The following GPRIN2 variants were observed in gnomAD, a reference collection of about 807,000 sequenced individuals.
The protein encoded by GPRIN2 is G protein-regulated inducer of neurite outgrowth 2.
GPRIN2 carries 1 observed loss-of-function variant against 0.3 expected under a neutral mutation model. The observed-to-expected ratio is 3.90, with a 90% CI of 1.39 to 18.51. The LOEUF (loss-of-function observed/expected upper bound fraction) is 18.51. GPRIN2 is among the 30% of genes most tolerant of loss of function. The pLI, the probability that GPRIN2 is intolerant of heterozygous loss-of-function variation, is 0.11. For synonymous variants in GPRIN2, 361 were observed against 258.6 expected (o/e 1.40, Z -3.80); for missense variants, 880 against 604.2 (o/e 1.46, Z -4.79).
At chr10:46,556,109 T>G (rs1831857267) in intron 1 of GPRIN2, among the ~76,000 whole-genome samples, 128,243 of 152,374 alleles carry the variant, frequency 0.84, 52,058 homozygotes, top group East Asian at 0.95. Flanking sequence ...GCCGGGGTAA[T>G]GATGCGGGAC....
In GPRIN2 at chr10:46,541,866, G is replaced by A. The variant is rs28525321; in HGVS notation, c.*7494C>T. Among the ~76,000 whole-genome samples the A allele has an allele frequency of 1.3e-5, 2 of 152,210 alleles. No individual in the cohort carries two copies. The highest frequency in any genetic ancestry group is 2.1e-4 in the South Asian group (1 of 4,838). On this transcript the variant is annotated 3_prime_UTR_variant, in exon 3 of 3. Transcript: ENST00000374314. ...CCGACTTCCTGCCCAGCTGTCCTACGGTATCCCAGGTGCCAGCCCCCTGTG... is the reference window on the plus strand; with the variant it reads ...CCGACTTCCTGCCCAGCTGTCCTACAGTATCCCAGGTGCCAGCCCCCTGTG...
In GPRIN2 at chr10:46,549,300, C is replaced by A; in HGVS notation, c.*60G>T. On this transcript the variant is annotated 3_prime_UTR_variant, in exon 3 of 3. Transcript: ENST00000374314. Reference sequence around the variant, plus strand: ...CAGGGGGCACGGAGCCCCCACCGTCCCTGGCCCAGGTCTAGGACTAAGTCA... The same window carrying A: ...CAGGGGGCACGGAGCCCCCACCGTCACTGGCCCAGGTCTAGGACTAAGTCA... 1 of 1,444,128 alleles carries A rather than the reference C, an allele frequency of 6.9e-7. No individual in the cohort carries two copies. Among genetic ancestry groups the A allele is most frequent in the Non-Finnish European group, 9.1e-7 (1 of 1,097,590 alleles). 89.5% of individuals were successfully genotyped at this position (1,444,128 alleles called of 1,614,324 possible).
At position 46,547,648 on chromosome 10, in the gene GPRIN2, G is replaced by T. The variant is rs1555015154; in HGVS notation, c.*1712C>A. On this transcript the variant is annotated 3_prime_UTR_variant, in exon 3 of 3. Transcript: ENST00000374314. Reference sequence around the variant, plus strand: ...CCTCCCCATGCACCCACAGCCATTTGTTCTCTCTCATGTGGCCCTAACAGG... The same window carrying T: ...CCTCCCCATGCACCCACAGCCATTTTTTCTCTCTCATGTGGCCCTAACAGG... Among the ~76,000 whole-genome samples the T allele has an allele frequency of 1.3e-5, 2 of 152,306 alleles. No individual in the cohort carries two copies. Among genetic ancestry groups the T allele is most frequent in the African/African-American group, 4.8e-5 (2 of 41,484 alleles).
chr10:46,547,381 AG>A lies in GPRIN2; in HGVS notation c.*1978del, dbSNP rs1396795913. ...AGAACCCCTTCCACAGTTCCCTTAA[AG>A]TTCCTTTCCTCATTTACATCAGGAT... is the stretch of plus-strand genomic sequence containing the variant. On this transcript the variant is annotated 3_prime_UTR_variant, in exon 3 of 3. Transcript: ENST00000374314. Among the ~76,000 whole-genome samples, 2 of 152,310 alleles carry A rather than the reference AG, an allele frequency of 1.3e-5. No individual in the cohort carries two copies. Among genetic ancestry groups the A allele is most frequent in the African/African-American group, 4.8e-5 (2 of 41,486 alleles).
chr10:46,556,243 G>A (rs1290655394), intron 1 of GPRIN2, among the ~76,000 whole-genome samples: 1 of 152,310 alleles, frequency 6.6e-6, no homozygotes, highest in Admixed American at 6.5e-5. Flanking sequence ...GAAGGAGACA[G>A]GGTCCCGGAC....
intron 2 of GPRIN2, among the ~76,000 whole-genome samples, chr10:46,551,743 T>G (rs1162632222): frequency 6.6e-6 from 1 of 152,306 alleles, no homozygotes; most frequent in South Asian, 2.1e-4. Flanking sequence ...ACCCTGGACC[T>G]GGCAGCTGCA....
chr10:46,553,874 G>T (rs1174798313), intron 2 of GPRIN2, among the ~76,000 whole-genome samples: 1 of 152,308 alleles, frequency 6.6e-6, no homozygotes, highest in Non-Finnish European at 1.5e-5. Flanking sequence ...GGGCTCTGAG[G>T]GGAGTACTGG....
chr10:46,550,861 C>T (rs1832235940), intron 2 of GPRIN2, 119 bp from the exon 3 acceptor site: 3 of 1,170,936 alleles, frequency 2.6e-6, no homozygotes, highest in South Asian at 4.5e-5. Context: ...TCCCAGCCTG[C>T]CTGACTGGTC....
chr10:46,553,166 G>A (rs1315181283), intron 2 of GPRIN2, among the ~76,000 whole-genome samples: 1 of 152,310 alleles, frequency 6.6e-6, no homozygotes, highest in South Asian at 2.1e-4. Context: ...ACACACCTGT[G>A]GGGCAGCTGA....
At position 46,547,127 on chromosome 10, in the gene GPRIN2, G is replaced by A. The variant is rs1379471760; in HGVS notation, c.*2233C>T. Among the ~76,000 whole-genome samples the A allele has an allele frequency of 6.6e-6, 1 of 152,308 alleles. No homozygotes were observed. The highest frequency in any genetic ancestry group is 2.4e-5 in the African/African-American group (1 of 41,488). On this transcript the variant is annotated 3_prime_UTR_variant, in exon 3 of 3. Transcript: ENST00000374314. ...TGCCATTCACCTTGACCCAGGTAGTGGCCTCACCCTCCTCTTGCTCAAACT... is the reference window on the plus strand; with the variant it reads ...TGCCATTCACCTTGACCCAGGTAGTAGCCTCACCCTCCTCTTGCTCAAACT...
chr10:46,551,297 G>T, intron 2 of GPRIN2: 1 of 725,442 alleles, frequency 1.4e-6, no homozygotes, highest in Non-Finnish European at 1.7e-6. Context: ...AAAGTTCACA[G>T]GACGAGGGAG....
At chr10:46,556,330 G>C (rs1843217085) in intron 1 of GPRIN2, among the ~76,000 whole-genome samples, 168 bp downstream of exon 1, 1 of 152,310 alleles carries the variant, frequency 6.6e-6, no homozygotes, top group Admixed American at 6.5e-5. Flanking sequence ...GGCGGAGCGC[G>C]GGGAGTGCGA....
intron 2 of GPRIN2, among the ~76,000 whole-genome samples, chr10:46,553,091 A>C (rs1842793569): frequency 6.6e-6 from 1 of 152,306 alleles, no homozygotes; most frequent in Non-Finnish European, 1.5e-5. Context: ...TGAGACAGTC[A>C]TTATCTCCAT....
Position 46,550,521 on chromosome 10 carries a change from C to A in GPRIN2, c.216G>T (p.Met72Ile). 1 of 1,601,144 alleles carries A rather than the reference C, an allele frequency of 6.2e-7. No individual in the cohort carries two copies. The highest frequency in any genetic ancestry group is 8.5e-7 in the Non-Finnish European group (1 of 1,172,736). Residue 72 changes from methionine (M) to isoleucine (I), a missense_variant, in exon 3 of 3, where the codon ATG becomes ATT. Transcript: ENST00000374314. The stretch of plus-strand genomic sequence containing the variant: ...TGGGGCCAGAGGCCCGTGCTGGCTT[C>A]ATGCTCTCAGGCGGGTTCCCCTCTT... ...PEEEGNPPES[M>I]KPARASGPKA...
Position 46,545,583 on chromosome 10 carries a change from G to T in GPRIN2, c.*3777C>A, listed in dbSNP as rs1832938919. Among the ~76,000 whole-genome samples the T allele has an allele frequency of 0.017, 2,546 of 150,730 alleles. No individual in the cohort carries two copies. The highest frequency in any genetic ancestry group is 0.059 in the African/African-American group (2,370 of 40,028). The stretch of plus-strand genomic sequence containing the variant: ...GGGAACTACATTTTCAGAAGCCCCA[G>T]CCAGAGGGCCAAGTCCCAGGCAGGG... On this transcript the variant is annotated 3_prime_UTR_variant, in exon 3 of 3. Transcript: ENST00000374314.
rs1842105639 is a variant in GPRIN2 at position 46,545,829 on chromosome 10, T to A, written c.*3531A>T. 2.0e-5 allele frequency among the ~76,000 whole-genome samples: 3 copies of A among 152,296 alleles called. No homozygotes were observed. On this transcript the variant is annotated 3_prime_UTR_variant, in exon 3 of 3. Transcript: ENST00000374314. The stretch of plus-strand genomic sequence containing the variant: ...CTATTTAATCTCCACACCAAGCATG[T>A]GAAGGAGGCACCATTGTCATCCCCA...
rs1276300232 is a variant in GPRIN2, at chr10:46,544,373, G to C, written c.*4987C>G. ...GGGTCTGGCTCCGTCATCCAGGCTGGAGCACAGTGGCACTATCTCGGCTCA... is the reference window on the plus strand; with the variant it reads ...GGGTCTGGCTCCGTCATCCAGGCTGCAGCACAGTGGCACTATCTCGGCTCA... On this transcript the variant is annotated 3_prime_UTR_variant, in exon 3 of 3. Coordinates refer to ENST00000374314, the MANE Select transcript of GPRIN2 (RefSeq NM_001385282.1). Among the ~76,000 whole-genome samples the C allele has an allele frequency of 6.6e-6, 1 of 152,302 alleles. No homozygotes were observed. Among genetic ancestry groups the C allele is most frequent in the Non-Finnish European group, 1.5e-5 (1 of 68,056 alleles).
rs1218521132 is a variant in GPRIN2, at chr10:46,556,528, G to A, written c.-148C>T. Among the ~76,000 whole-genome samples, 1 of 152,238 alleles carries A rather than the reference G, an allele frequency of 6.6e-6. No individual in the cohort carries two copies. The highest frequency in any genetic ancestry group is 2.4e-5 in the African/African-American group (1 of 41,458). On this transcript the variant is annotated 5_prime_UTR_variant, in exon 1 of 3. Coordinates refer to ENST00000374314, the MANE Select transcript of GPRIN2 (RefSeq NM_001385282.1). Reference sequence around the variant, plus strand: ...CGCCCGCCGGGGCCGCGCAGGCGGGGGAAGCGCTGCTCCTGCGGCCGCCAC... The same window carrying A: ...CGCCCGCCGGGGCCGCGCAGGCGGGAGAAGCGCTGCTCCTGCGGCCGCCAC...
At position 46,542,533 on chromosome 10, in the gene GPRIN2, C is replaced by T. The variant is rs1037332114; in HGVS notation, c.*6827G>A. Among the ~76,000 whole-genome samples, 2 of 152,308 alleles carry T rather than the reference C, an allele frequency of 1.3e-5. No homozygotes were observed. On this transcript the variant is annotated 3_prime_UTR_variant, in exon 3 of 3. Coordinates refer to ENST00000374314, the MANE Select transcript of GPRIN2 (RefSeq NM_001385282.1). ...CTTGTGAAGAAGGTGCCTTGCTTCT[C>T]CTTCGCTGTCTGCCATGATTGTAAG...
Sources: allele counts gnomAD v4.1 joint callset (sites outside exome capture counted in the v4.1 genomes callset), GRCh38; gene constraint gnomAD v4.1.1; transcripts MANE v1.5; gene names NCBI Gene and HGNC (gene_info 2026-07-23, HGNC 2026-07-21).